NPSR1: variants seen among roughly 807,000 people sequenced by gnomAD.
NPSR1 encodes neuropeptide S receptor 1, also known as neuropeptide S receptor.
A neutral mutation model predicts 46.9 loss-of-function variants in NPSR1; 48 were observed. The ratio of observed to expected loss-of-function variants is 1.02; its 90% CI spans 0.81 to 1.30. The LOEUF is 1.30. Ranked by LOEUF, NPSR1 falls within the 50% of genes most tolerant of loss-of-function variation. The probability of loss-of-function intolerance (pLI) is 0.00; values close to 1 mark genes in which losing one functional copy is unlikely to be tolerated. For synonymous variants in NPSR1, 176 were observed against 168.1 expected, an observed-to-expected ratio of 1.05 and a Z score of -0.36; for missense variants, 450 against 449.5, an observed-to-expected ratio of 1.00 and a Z score of -0.01.
At chr7:34,666,089 T>C (rs1010217007) in intron 1 of NPSR1, among the ~76,000 whole-genome samples, 2 of 152,270 alleles carry the variant, frequency 1.3e-5, no homozygotes, top group Non-Finnish European at 2.9e-5. Context: ...TAATCCTTAT[T>C]CACCAACCAT....
chr7:34,730,082 A>C (rs1405712470), intron 2 of NPSR1, among the ~76,000 whole-genome samples: 1 of 152,210 alleles, frequency 6.6e-6, no homozygotes, highest in Non-Finnish European at 1.5e-5. Context: ...TCATGAATAA[A>C]TTTTAAAAGA....
Position 34,684,674 on chromosome 7 carries a change from G to A in NPSR1, c.270G>A (p.Leu90=). The change falls in exon 2 of 9, where the codon CTG becomes CTA. Residue 90 remains leucine (L), a synonymous_variant. Transcript: ENST00000360581. ...KSRMTFFVTQ[L]AITDSFTGLV... The stretch of plus-strand genomic sequence containing the variant: ...GAATGACCTTCTTTGTGACTCAGCT[G>A]GCCATCACAGGTAAGTAACTATGCA... The A allele has an allele frequency of 1.2e-6, 2 of 1,611,632 alleles. No homozygotes were observed. The highest frequency in any genetic ancestry group is 2.2e-5 in the South Asian group (2 of 90,598).
chr7:34,704,443 T>C (rs191137658), intron 2 of NPSR1, among the ~76,000 whole-genome samples: 1 of 152,326 alleles, frequency 6.6e-6, no homozygotes, highest in Admixed American at 6.5e-5. Flanking sequence ...TTTTATTGCC[T>C]TGTAGTCAAG....
At chr7:34,791,377 G>A (rs1427966315) in intron 3 of NPSR1, among the ~76,000 whole-genome samples, 3 of 147,698 alleles carry the variant, frequency 2.0e-5, no homozygotes, top group African/African-American at 7.4e-5. Flanking sequence ...TATAGTTGCA[G>A]GATACAAAAT....
chr7:34,735,712 C>T (rs1044919706), intron 2 of NPSR1, among the ~76,000 whole-genome samples: 4 of 152,204 alleles, frequency 2.6e-5, no homozygotes, highest in African/African-American at 9.7e-5. Flanking sequence ...ATACTCTCCC[C>T]TGAGGAAGTC....
intron 8 of NPSR1, among the ~76,000 whole-genome samples, chr7:34,873,434 A>G (rs1161739452): frequency 3.3e-5 from 5 of 151,764 alleles, no homozygotes; most frequent in Non-Finnish European, 5.9e-5. Context: ...TTATAGAGAA[A>G]AAAAGCTTTA....
chr7:34,740,893 G>A (rs907227172), intron 2 of NPSR1, among the ~76,000 whole-genome samples: 3 of 152,170 alleles, frequency 2.0e-5, no homozygotes, highest in African/African-American at 7.2e-5. Context: ...GTCCATCTAA[G>A]TGACAGCTGC....
chr7:34,744,374 T>C (rs1202846177), intron 2 of NPSR1, among the ~76,000 whole-genome samples: 2 of 152,218 alleles, frequency 1.3e-5, no homozygotes, highest in Admixed American at 1.3e-4. Context: ...TCCTTTTTCT[T>C]CTTTTTTGAG....
chr7:34,763,964 A>G (rs868018842), intron 2 of NPSR1, among the ~76,000 whole-genome samples: 9 of 152,318 alleles, frequency 5.9e-5, no homozygotes, highest in South Asian at 2.1e-4. Context: ...AGATGCAACT[A>G]TGAAAGATGA....
intron 8 of NPSR1, among the ~76,000 whole-genome samples, chr7:34,861,894 G>A (rs1254089059): frequency 6.6e-6 from 1 of 151,810 alleles, no homozygotes; most frequent in Non-Finnish European, 1.5e-5. Context: ...ACCCACCCCT[G>A]ATATCCCTAA....
At chr7:34,720,107 C>T (rs1242269693) in intron 2 of NPSR1, among the ~76,000 whole-genome samples, 2 of 151,950 alleles carry the variant, frequency 1.3e-5, no homozygotes, top group East Asian at 3.9e-4. Context: ...TGGTGAAGCC[C>T]TATCTCTACT....
intron 3 of NPSR1, among the ~76,000 whole-genome samples, chr7:34,802,158 T>C (rs1788452527): frequency 6.7e-6 from 1 of 150,326 alleles, no homozygotes; most frequent in Admixed American, 6.6e-5. Context: ...TTTTATAGAT[T>C]CAATGCCATC....
chr7:34,862,253 A>T (rs1055268323), intron 8 of NPSR1, among the ~76,000 whole-genome samples: 7 of 151,658 alleles, frequency 4.6e-5, no homozygotes, highest in Admixed American at 3.9e-4. Context: ...GGCAGTGGGC[A>T]GTTCTTCCTC....
intron 1 of NPSR1, among the ~76,000 whole-genome samples, chr7:34,671,077 T>C (rs1792026903): frequency 6.6e-6 from 1 of 152,166 alleles, no homozygotes; most frequent in Non-Finnish European, 1.5e-5. Flanking sequence ...AGTAAGTTTC[T>C]AGCAATGGAA....
At chr7:34,723,838 T>G (rs1783996726) in intron 2 of NPSR1, among the ~76,000 whole-genome samples, 1 of 152,092 alleles carries the variant, frequency 6.6e-6, no homozygotes, top group Non-Finnish European at 1.5e-5. Flanking sequence ...TTTATAACAA[T>G]AATAGTGATA....
intron 1 of NPSR1, among the ~76,000 whole-genome samples, chr7:34,684,317 G>C (rs1792809151): frequency 6.6e-6 from 1 of 152,144 alleles, no homozygotes; most frequent in Non-Finnish European, 1.5e-5. Flanking sequence ...CCTGACCAAA[G>C]AATACAAACT....
intron 8 of NPSR1, among the ~76,000 whole-genome samples, chr7:34,855,765 A>C (rs922978486): frequency 2.0e-5 from 3 of 151,448 alleles, no homozygotes; most frequent in Non-Finnish European, 3.0e-5. Context: ...CAAAAATTCC[A>C]AAAAAAAATT....
chr7:34,845,628 T>C, intron 7 of NPSR1: 1 of 455,444 alleles, frequency 2.2e-6, no homozygotes, highest in African/African-American at 2.0e-5. Context: ...GTCTTTACTC[T>C]GCCTTATTTT....
chr7:34,720,308 A>C (rs1783789176), intron 2 of NPSR1, among the ~76,000 whole-genome samples: 1 of 150,624 alleles, frequency 6.6e-6, no homozygotes, highest in Admixed American at 6.6e-5. Context: ...AGACAAAGGC[A>C]AGGCAGAAGC....
Sources: allele counts gnomAD v4.1 joint callset (sites outside exome capture counted in the v4.1 genomes callset), GRCh38; gene constraint gnomAD v4.1.1; transcripts MANE v1.5; gene names NCBI Gene and HGNC (gene_info 2026-07-23, HGNC 2026-07-21).